The following BCOR variants were observed in gnomAD, a reference collection of about 807,000 sequenced individuals.
BCOR encodes the protein BCL-6 corepressor.
Under a neutral mutation model 86.7 loss-of-function variants are expected in BCOR, and 10 were observed. The observed-to-expected ratio is 0.12, with a 90% confidence interval of 0.07 to 0.20. The LOEUF (loss-of-function observed/expected upper bound fraction) is 0.20, where lower values mean the gene tolerates loss of function less well. BCOR is among the 10% of genes least tolerant of loss of function. The pLI, the probability that BCOR is intolerant of heterozygous loss-of-function variation, is 1.00. For missense variants in BCOR, 1,259 were observed against 1,452.1 expected, an observed-to-expected ratio of 0.87 and a Z score of 2.16; for synonymous variants, 611 against 609.0, an observed-to-expected ratio of 1.00 and a Z score of -0.05.
At position 40,063,924 on chromosome X, in the gene BCOR, G is replaced by C. The variant is rs1935040718; in HGVS notation, c.3531C>G (p.Asn1177Lys). ...KDDWPEREMTNSSSNHLEDPH... is the reference protein window; with the variant it reads ...KDDWPEREMTKSSSNHLEDPH... ...GGTCTTCTAAGTGGTTAGAGGAACT[G>C]TTTGTCATTTCCCTCTCAGGCCAGT... The change falls in exon 8 of 15, where the codon AAC becomes AAG. Residue 1177 changes from asparagine (N) to lysine (K), a missense_variant. This residue lies in a region of BCOR where 305 missense variants were observed against 286.1 expected (regional missense o/e 1.07). Coordinates refer to ENST00000378444, the MANE Select transcript of BCOR (RefSeq NM_001123385.2). 8.5e-7 allele frequency: 1 copy of C among 1,178,643 alleles called. No individual in the cohort carries two copies. Among genetic ancestry groups the C allele is most frequent in the Non-Finnish European group, 1.1e-6 (1 of 875,844 alleles).
chrX:40,131,491 T>C (rs773098970), intron 1 of BCOR, among the ~76,000 whole-genome samples: 6 of 111,643 alleles, frequency 5.4e-5, no homozygotes, highest in Non-Finnish European at 1.1e-4. Flanking sequence ...CTACTAAAAA[T>C]ACAAAATTAG....
At chrX:40,114,312 T>G (rs2147848787) in intron 1 of BCOR, among the ~76,000 whole-genome samples, 1 of 110,958 alleles carries the variant, frequency 9.0e-6, no homozygotes, top group Non-Finnish European at 1.9e-5. Flanking sequence ...CACTGTCTTT[T>G]GGGGAGGCCC....
At chrX:40,061,677 C>A (rs186568607) in intron 10 of BCOR, among the ~76,000 whole-genome samples, 1,655 of 80,968 alleles carry the variant, frequency 0.02, 42 homozygotes, top group African/African-American at 0.072. Context: ...CCACCCCCCT[C>A]CCTCTGTGAC....
intron 1 of BCOR, among the ~76,000 whole-genome samples, chrX:40,132,922 A>C (rs772222579): frequency 9.0e-6 from 1 of 111,645 alleles, no homozygotes; most frequent in East Asian, 2.8e-4. Context: ...GTGAGTCAGT[A>C]TTTTCAGGCG....
upstream of BCOR, among the ~76,000 whole-genome samples, chrX:40,102,536 C>T (rs1173567133): frequency 1.8e-5 from 2 of 113,985 alleles, no homozygotes; most frequent in South Asian, 3.5e-4. Flanking sequence ...TTTAGCAAGG[C>T]GCCTTCTGCG....
intron 1 of BCOR, among the ~76,000 whole-genome samples, chrX:40,135,255 A>T (rs1160338033): frequency 9.0e-6 from 1 of 111,396 alleles, no homozygotes; most frequent in Non-Finnish European, 1.9e-5. Context: ...TCTCCAAGAC[A>T]TGCTTAGAGG....
At chrX:40,154,524 C>G (rs1315873357) in intron 1 of BCOR, among the ~76,000 whole-genome samples, 3 of 110,673 alleles carry the variant, frequency 2.7e-5, no homozygotes, top group Non-Finnish European at 3.8e-5. Context: ...AGGGAGCGAG[C>G]GAAGCCCGAG....
chrX:40,117,960 T>TTC (rs747544385), intron 1 of BCOR, among the ~76,000 whole-genome samples: 1,972 of 94,378 alleles, frequency 0.021, 22 homozygotes, highest in African/African-American at 0.024. Context: ...CTCGCACTCT[T>TTC]TCTCTCTCTC....
In BCOR at chrX:40,062,348, A is replaced by G. The variant is rs1389000842; in HGVS notation, c.4219T>C (p.Tyr1407His). Residue 1407 changes from tyrosine to histidine, a missense_variant, in exon 10 of 15, where the codon TAT becomes CAT. Physicochemically the swap from Tyr to His is moderately conservative, Grantham distance 83. This residue lies in a region of BCOR where 305 missense variants were observed against 286.1 expected (regional missense o/e 1.07). Coordinates refer to ENST00000378444, the MANE Select transcript of BCOR (RefSeq NM_001123385.2). The part of the protein sequence containing the change: ...FRKRPEPSSD[Y>H]DLSPAKQEPK... ...TCCTGCTTGGCTGGTGACAGATCATAGTCCGAACTGGGCTCCGGCCGCTTT... is the reference window on the plus strand; with the variant it reads ...TCCTGCTTGGCTGGTGACAGATCATGGTCCGAACTGGGCTCCGGCCGCTTT... 8.3e-7 allele frequency: 1 copy of G among 1,207,245 alleles called. No individual in the cohort carries two copies. Among genetic ancestry groups the G allele is most frequent in the Non-Finnish European group, 1.1e-6 (1 of 893,514 alleles).
chrX:40,170,214 A>C (rs1938590075), intron 1 of BCOR, among the ~76,000 whole-genome samples: 2 of 112,056 alleles, frequency 1.8e-5, no homozygotes, highest in African/African-American at 6.5e-5. Context: ...TAGCAGACCA[A>C]GCCTGAGTCA....
chrX:40,058,750 C>T (rs1010827691), intron 10 of BCOR, among the ~76,000 whole-genome samples: 1 of 111,734 alleles, frequency 8.9e-6, no homozygotes, highest in African/African-American at 3.3e-5. Context: ...CCCACAGATG[C>T]GTCTCTTCCT....
intron 1 of BCOR, among the ~76,000 whole-genome samples, chrX:40,148,328 C>G (rs1489403318): frequency 8.9e-6 from 1 of 111,867 alleles, no homozygotes; most frequent in East Asian, 2.8e-4. Context: ...GCTCCGCAAC[C>G]CAGGGCCGCA....
chrX:40,105,361 A>C (rs1937157312), intron 1 of BCOR, among the ~76,000 whole-genome samples: 1 of 111,398 alleles, frequency 9.0e-6, no homozygotes, highest in African/African-American at 3.3e-5. Context: ...AGTCACGGGG[A>C]CCGGAAGCCC....
In BCOR at chrX:40,052,256, G is replaced by A. The variant is rs2146826460; in HGVS notation, c.5121C>T (p.Phe1707=). Residue 1707 remains phenylalanine, a synonymous_variant, in exon 15 of 15, where the codon TTC becomes TTT. Transcript: ENST00000378444. ...FYRQVSASLL[F]SCSKDLEAFN... The stretch of plus-strand genomic sequence containing the variant: ...AGGCTTCCAGGTCTTTGGAGCAAGA[G>A]AACAAGAGACTTGCAGAAACCTGCC... The A allele has an allele frequency of 8.3e-7, 1 of 1,211,911 alleles. No homozygotes were observed. Among genetic ancestry groups the A allele is most frequent in the Non-Finnish European group, 1.1e-6 (1 of 895,522 alleles).
chrX:40,126,814 C>T (rs1937550312), intron 1 of BCOR, among the ~76,000 whole-genome samples: 1 of 106,714 alleles, frequency 9.4e-6, no homozygotes, highest in African/African-American at 3.4e-5. Flanking sequence ...GAGATGGCAC[C>T]ACTGCACTCC....
rs2147051556 is a variant in BCOR, at chrX:40,063,696, A to T, written c.3759T>A (p.Thr1253=). ...PEAIPQGTNI[T]EEKPGRKRAE... is the part of the protein sequence containing the mutation. Reference sequence around the variant, plus strand: ...CCCTTTTCCTGCCAGGTTTCTCTTCAGTGATGTTAGTCCCCTGAGGAATGG... The same window carrying T: ...CCCTTTTCCTGCCAGGTTTCTCTTCTGTGATGTTAGTCCCCTGAGGAATGG... The change falls in exon 8 of 15, where the codon ACT becomes ACA. Residue 1253 remains threonine, a synonymous_variant. Coordinates refer to ENST00000378444, the MANE Select transcript of BCOR (RefSeq NM_001123385.2). The T allele has an allele frequency of 8.3e-7, 1 of 1,211,046 alleles. No homozygotes were observed. The highest frequency in any genetic ancestry group is 1.1e-6 in the Non-Finnish European group (1 of 895,066).
intron 1 of BCOR, among the ~76,000 whole-genome samples, chrX:40,140,587 A>C (rs1357595753): frequency 8.9e-6 from 1 of 112,936 alleles, no homozygotes; most frequent in Non-Finnish European, 1.9e-5. Flanking sequence ...CATGGGGCTT[A>C]TCTCTCTTGG....
At chrX:40,174,707 G>A (rs1319675930) in intron 1 of BCOR, among the ~76,000 whole-genome samples, 1 of 112,583 alleles carries the variant, frequency 8.9e-6, no homozygotes, top group East Asian at 2.8e-4. Context: ...GGTCCTGGAA[G>A]GTGGAACGCA....
At chrX:40,108,052 G>A (rs1009583019) in intron 1 of BCOR, among the ~76,000 whole-genome samples, 1 of 112,795 alleles carries the variant, frequency 8.9e-6, no homozygotes, top group East Asian at 2.8e-4. Flanking sequence ...CCCTCTGCGC[G>A]GCCGGAATGG....
Sources: gnomAD v4.1 joint callset for allele counts (sites outside exome capture counted in the v4.1 genomes callset) on GRCh38, gnomAD v4.1.1 for gene constraint, gnomAD v4.1.1 regional missense constraint, MANE v1.5 for transcripts, NCBI Gene and HGNC (gene_info 2026-07-23, HGNC 2026-07-21) for gene names.